IFFO2: variants seen among roughly 807,000 people sequenced by gnomAD.
The protein encoded by IFFO2 is intermediate filament family orphan 2.
A neutral mutation model predicts 53.5 loss-of-function variants in IFFO2; 19 were observed. The ratio of observed to expected loss-of-function variants is 0.36; its 90% confidence interval spans 0.25 to 0.52. IFFO2 has a LOEUF of 0.52. IFFO2 is among the 20% of genes least tolerant of loss of function. The probability of loss-of-function intolerance (pLI) is 0.94; values close to 1 mark genes in which losing one functional copy is unlikely to be tolerated. For missense variants in IFFO2, 570 were observed against 727.4 expected (o/e 0.78, Z 2.49); for synonymous variants, 303 against 313.6 (o/e 0.97, Z 0.36).
intron 1 of IFFO2, among the ~76,000 whole-genome samples, chr1:18,922,078 C>T (rs529158076): frequency 6.6e-6 from 1 of 152,216 alleles, no homozygotes; most frequent in South Asian, 2.1e-4. Context: ...GAAAGCAAGG[C>T]CCAGAGGCAC....
rs1935933267 is a variant in IFFO2, at chr1:18,905,445, T to C, written c.*3116A>G. 6.6e-6 allele frequency: 1 copy of C among 152,122 alleles called. No homozygotes were observed. The highest frequency in any genetic ancestry group is 1.5e-5 in the Non-Finnish European group (1 of 68,016). The allele number at this position is 152,122 out of a possible 1,614,324, so 9.4% of individuals were successfully genotyped here. On this transcript the variant is annotated 3_prime_UTR_variant, in exon 9 of 9. Coordinates refer to ENST00000455833, the MANE Select transcript of IFFO2 (RefSeq NM_001136265.2). ...ATAAAAATAGATGAGAGTCTCTTGC[T>C]TTATAAATAGATTACATTTAGCTTA...
rs1369383009 is a variant in IFFO2 at position 18,905,369 on chromosome 1, A to C, written c.*3192T>G. On this transcript the variant is annotated 3_prime_UTR_variant, in exon 9 of 9. Transcript: ENST00000455833. ...ATGCACCATGTCTCGTCCACAGGAAAATGCTGGGCTACCACAACTGCCTAC... is the reference window on the plus strand; with the variant it reads ...ATGCACCATGTCTCGTCCACAGGAACATGCTGGGCTACCACAACTGCCTAC... 1 of 152,204 alleles carries C rather than the reference A, an allele frequency of 6.6e-6. No homozygotes were observed. Among genetic ancestry groups the C allele is most frequent in the African/African-American group, 2.4e-5 (1 of 41,452 alleles). The allele number at this position is 152,204 out of a possible 1,614,324, so 9.4% of individuals were successfully genotyped here. A position where few individuals can be genotyped will look rare whatever the true frequency, so the allele number is the denominator to read the frequency against.
Position 18,956,300 on chromosome 1 carries a change from G to T in IFFO2, c.33C>A (p.Ala11=). 1.8e-6 allele frequency: 1 copy of T among 541,560 alleles called. No homozygotes were observed. Among genetic ancestry groups the T allele is most frequent in the Non-Finnish European group, 2.5e-6 (1 of 395,362 alleles). 33.5% of individuals were successfully genotyped at this position (541,560 alleles called of 1,614,324 possible). Residue 11 remains alanine (A), a synonymous_variant, in exon 1 of 9, where the codon GCC becomes GCA. Transcript: ENST00000455833. This position sits in a 1 kb window ranked among gnomAD's most constrained non-coding sequence, Gnocchi z 6.4. MVNSLLFGEM[A]LAFGCPPGGG... is the part of the protein sequence containing the mutation. ...CGCCCGGCGGGCAGCCGAAGGCCAA[G>T]GCCATCTCCCCGAACAGCAGCGAGT...
In IFFO2 at chr1:18,945,635, G is replaced by A. The variant is rs532218418; in HGVS notation, c.665+10033C>T. On this transcript the variant is annotated intron_variant, in intron 1 of 8. Transcript: ENST00000455833. ...AACACACATCCCAGAGTCGGAGCACGCAGGCCAGAGGGCGCTGAGCAAGCA... is the reference window on the plus strand; with the variant it reads ...AACACACATCCCAGAGTCGGAGCACACAGGCCAGAGGGCGCTGAGCAAGCA... Among the ~76,000 whole-genome samples, 4 of 152,346 alleles carry A rather than the reference G, an allele frequency of 2.6e-5. No homozygotes were observed. The East Asian group carries it at 7.7e-4, about 29-fold the overall frequency.
In IFFO2 at chr1:18,908,268, A is replaced by C; in HGVS notation, c.*293T>G. 1 of 390,582 alleles carries C rather than the reference A, an allele frequency of 2.6e-6. No individual in the cohort carries two copies. The highest frequency in any genetic ancestry group is 4.9e-6 in the Non-Finnish European group (1 of 205,412). The allele number at this position is 390,582 out of a possible 1,614,324, so 24.2% of individuals were successfully genotyped here. A position where few individuals can be genotyped will look rare whatever the true frequency, so the allele number is the denominator to read the frequency against. Reference sequence around the variant, plus strand: ...CTCAAAGTGGCTCAGCTTAAGGGAGAAGGCACAGTTAACACTGCAAAGTCC... The same window carrying C: ...CTCAAAGTGGCTCAGCTTAAGGGAGCAGGCACAGTTAACACTGCAAAGTCC... On this transcript the variant is annotated 3_prime_UTR_variant, in exon 9 of 9. Coordinates refer to ENST00000455833, the MANE Select transcript of IFFO2 (RefSeq NM_001136265.2).
At chr1:18,920,687 C>T (rs1017321559) in intron 2 of IFFO2, among the ~76,000 whole-genome samples, 17 of 152,188 alleles carry the variant, frequency 1.1e-4, no homozygotes, top group African/African-American at 4.1e-4. Flanking sequence ...CAGCCCCAAC[C>T]GAGGGCACCC....
intron 1 of IFFO2, among the ~76,000 whole-genome samples, chr1:18,948,066 TCCC>T (rs1936612636): frequency 6.6e-6 from 1 of 152,198 alleles, no homozygotes; most frequent in Admixed American, 6.5e-5. Context: ...CATAATCACT[TCCC>T]ACTGCTTGGG....
chr1:18,923,440 A>G (rs997325017), intron 1 of IFFO2, among the ~76,000 whole-genome samples: 1 of 152,202 alleles, frequency 6.6e-6, no homozygotes, highest in African/African-American at 2.4e-5. Context: ...AGGAGCCCAG[A>G]TCTTTGGCTT....
intron 1 of IFFO2, among the ~76,000 whole-genome samples, chr1:18,930,230 C>A (rs1376134510): frequency 3.3e-5 from 5 of 152,214 alleles, no homozygotes; most frequent in Non-Finnish European, 7.3e-5. Context: ...CATGAGCATG[C>A]CATTGGTGTC....
At chr1:18,925,294 G>A (rs1420179985) in intron 1 of IFFO2, among the ~76,000 whole-genome samples, 1 of 152,126 alleles carries the variant, frequency 6.6e-6, no homozygotes, top group East Asian at 1.9e-4. Context: ...TCCCAGGCTT[G>A]TCTCAAATGT....
In IFFO2 at chr1:18,930,489, T is replaced by C. The variant is rs917380961; in HGVS notation, c.666-9368A>G. Among the ~76,000 whole-genome samples, 10 of 152,282 alleles carry C rather than the reference T, an allele frequency of 6.6e-5. No individual in the cohort carries two copies. The East Asian group carries it at 1.2e-3, about 18-fold the overall frequency. ...TGGCAGAAGGAAAGAAGCCAGATGC[T>C]AATGCCACAGAACCCCCGTCAGCAA... On this transcript the variant is annotated intron_variant, in intron 1 of 8. Transcript: ENST00000455833.
intron 1 of IFFO2, among the ~76,000 whole-genome samples, chr1:18,934,071 T>TTC (rs1936414872): frequency 8.1e-6 from 1 of 123,890 alleles, no homozygotes; most frequent in African/African-American, 3.3e-5. Flanking sequence ...TTTTTTTTTT[T>TTC]TTTTTTTTTT....
intron 2 of IFFO2, among the ~76,000 whole-genome samples, chr1:18,920,743 G>A (rs759073469): frequency 1.3e-5 from 2 of 152,202 alleles, no homozygotes; most frequent in African/African-American, 4.8e-5. Flanking sequence ...GCCTCAGGTG[G>A]GGAGACAGTG....
chr1:18,913,824 TTTTTTTG>T (rs1936084579), intron 5 of IFFO2, among the ~76,000 whole-genome samples: 1 of 41,556 alleles, frequency 2.4e-5, no homozygotes, highest in African/African-American at 5.4e-5. Context: ...GTTGTTGTTG[TTTTTTTG>T]TTTGTTTGTT....
chr1:18,916,348 G>A lies in IFFO2; in HGVS notation c.1103+555C>T, dbSNP rs1001221463. 2.0e-5 allele frequency among the ~76,000 whole-genome samples: 3 copies of A among 152,170 alleles called. No individual in the cohort carries two copies. Among genetic ancestry groups the A allele is most frequent in the Non-Finnish European group, 4.4e-5 (3 of 68,038 alleles). ...GATGCTGGCGAATGGAAGAGTATGC[G>A]CCTGTCCAGATTCAGCAGCTGCCAT... On this transcript the variant is annotated intron_variant, in intron 5 of 8. Transcript: ENST00000455833. This position sits in a 1 kb window ranked among gnomAD's most constrained non-coding sequence, Gnocchi z 4.3.
intron 8 of IFFO2, 134 bp downstream of exon 8, chr1:18,910,208 T>C (rs138486800): frequency 5.1e-5 from 51 of 1,001,442 alleles, no homozygotes; most frequent in Non-Finnish European, 6.9e-5. Context: ...GATGGATGGA[T>C]GGATGGACGG....
rs1936334394 is a variant in IFFO2, at chr1:18,928,658, T to A, written c.666-7537A>T. On this transcript the variant is annotated intron_variant, in intron 1 of 8. Transcript: ENST00000455833. This position sits in a 1 kb window ranked among gnomAD's most constrained non-coding sequence, Gnocchi z 4.9. ...AGGGGTCTGACATCCATAGGGAAGT[T>A]CCCTGTGGAAGAGCGGGTACTGGGC... 6.6e-6 allele frequency among the ~76,000 whole-genome samples: 1 copy of A among 152,164 alleles called. No individual in the cohort carries two copies.
chr1:18,942,943 A>G (rs545063577), intron 1 of IFFO2, among the ~76,000 whole-genome samples: 1 of 150,628 alleles, frequency 6.6e-6, no homozygotes, highest in African/African-American at 2.4e-5. Context: ...GGTTCAAGCC[A>G]TTCTCCTGCC....
Position 18,936,059 on chromosome 1 carries a change from G to A in IFFO2, c.666-14938C>T, listed in dbSNP as rs1409916968. 6.6e-6 allele frequency among the ~76,000 whole-genome samples: 1 copy of A among 151,938 alleles called. No individual in the cohort carries two copies. Among genetic ancestry groups the A allele is most frequent in the Non-Finnish European group, 1.5e-5 (1 of 67,974 alleles). On this transcript the variant is annotated intron_variant, in intron 1 of 8. Coordinates refer to ENST00000455833, the MANE Select transcript of IFFO2 (RefSeq NM_001136265.2). This position sits in a 1 kb window ranked among gnomAD's most constrained non-coding sequence, Gnocchi z 4.5. Reference sequence around the variant, plus strand: ...TATGGGTCACAGCTGCAACTCCAGTGCCCAGCACAGAGCCTGGCACATAGG... The same window carrying A: ...TATGGGTCACAGCTGCAACTCCAGTACCCAGCACAGAGCCTGGCACATAGG...
Sources: allele counts gnomAD v4.1 joint callset (sites outside exome capture counted in the v4.1 genomes callset), GRCh38; gene constraint gnomAD v4.1.1; non-coding constraint Gnocchi (gnomAD v3.1); transcripts MANE v1.5; gene names NCBI Gene and HGNC (gene_info 2026-07-23, HGNC 2026-07-21).